Variants in CROCC observed in about 807,000 individuals in gnomAD.
CROCC encodes the protein ciliary rootlet coiled-coil, rootletin, also known as rootletin.
A neutral mutation model predicts 245.2 loss-of-function variants in CROCC; 180 were observed. The ratio of observed to expected loss-of-function variants is 0.73; its 90% CI spans 0.65 to 0.83. The LOEUF is 0.83. Among genes scored for constraint, CROCC ranks in the 40% least tolerant of loss-of-function variants. CROCC has a pLI of 0.00. For missense variants in CROCC, 2,688 were observed against 2,779.4 expected (o/e 0.97, Z 0.74); for synonymous variants, 1,205 against 1,241.6 (o/e 0.97, Z 0.62).
chr1:16,932,059 G>T (rs1173269272), intron 8 of CROCC, among the ~76,000 whole-genome samples: 1 of 152,188 alleles, frequency 6.6e-6, no homozygotes, highest in Non-Finnish European at 1.5e-5. Context: ...GAGCCACAGC[G>T]CCAGGCCGAA....
chr1:16,956,533 C>T (rs2076252865), intron 25 of CROCC, among the ~76,000 whole-genome samples: 1 of 152,146 alleles, frequency 6.6e-6, no homozygotes. Flanking sequence ...TTACGGGCCA[C>T]ACAGTCTCTG....
Position 16,958,594 on chromosome 1 carries a change from G to A in CROCC, c.3876G>A (p.Leu1292=). ...LQELRRQMKM[L]DSENTRLGRE... is the part of the protein sequence containing the mutation. ...CCGTGCTCTCACAGATGAAGATGCT[G>A]GACAGTGAGAACACCAGACTGGGCC... is the stretch of plus-strand genomic sequence containing the variant. The change falls in exon 26 of 37, where the codon CTG becomes CTA. Residue 1292 remains leucine (L), a synonymous_variant. Transcript: ENST00000375541. The A allele has an allele frequency of 6.4e-7, 1 of 1,552,836 alleles. No homozygotes were observed. Among genetic ancestry groups the A allele is most frequent in the Non-Finnish European group, 8.7e-7 (1 of 1,148,506 alleles).
At chr1:16,971,204 T>A (rs2076511477) in intron 35 of CROCC, among the ~76,000 whole-genome samples, 1 of 127,946 alleles carries the variant, frequency 7.8e-6, no homozygotes, top group Non-Finnish European at 1.6e-5. Context: ...GTGTGTATGA[T>A]GTCTGAGTGT....
intron 18 of CROCC, 61 bp from the exon 19 acceptor site, chr1:16,948,738 C>T (rs1408892165): frequency 1.9e-6 from 3 of 1,601,090 alleles, no homozygotes; most frequent in Non-Finnish European, 2.6e-6. Context: ...CCCTGAGATC[C>T]ACAGTTTCCT....
intron 15 of CROCC, 120 bp from the exon 16 acceptor site, chr1:16,946,138 TC>T: frequency 8.8e-7 from 1 of 1,133,722 alleles, no homozygotes; most frequent in Non-Finnish European, 1.2e-6. Flanking sequence ...TCACACTGTG[TC>T]CCCTCCTTGT....
chr1:16,930,831 C>T (rs1407932116), intron 7 of CROCC, among the ~76,000 whole-genome samples: 1 of 152,300 alleles, frequency 6.6e-6, no homozygotes, highest in African/African-American at 2.4e-5. Flanking sequence ...TGCTATCATT[C>T]TCCTCATTTT....
intron 13 of CROCC, chr1:16,941,202 GGCTGGGTGTGGTGGCTCACACCCAGCTT>G (rs2075924236): frequency 6.5e-6 from 1 of 154,574 alleles, no homozygotes; most frequent in Admixed American, 6.5e-5. Flanking sequence ...TGAAAATTCA[GGCTGGGTGTGGTGGCTCACACCCAGCTT>G]GCTGGCCAAC....
chr1:16,939,941 G>C lies in CROCC; in HGVS notation c.1656G>C (p.Leu552=), dbSNP rs144356400. The change falls in exon 13 of 37, where the codon CTG becomes CTC. Residue 552 remains leucine (L), a synonymous_variant. Transcript: ENST00000375541. Reference sequence around the variant, plus strand: ...CAAGCCAGGACCTACTGGGCACCCTGCGGAAGCAGCTTAGCGACAGCGAGA... The same window carrying C: ...CAAGCCAGGACCTACTGGGCACCCTCCGGAAGCAGCTTAGCGACAGCGAGA... The part of the protein sequence containing the change: ...YEASQDLLGT[L]RKQLSDSESE... 4.2e-5 allele frequency: 67 copies of C among 1,612,734 alleles called. No individual in the cohort carries two copies. In the African/African-American group the frequency reaches 8.3e-4, roughly 20 times the overall value.
At chr1:16,955,213 A>G in intron 23 of CROCC, 99 bp from the exon 24 acceptor site, 1 of 1,157,456 alleles carries the variant, frequency 8.6e-7, no homozygotes, top group Non-Finnish European at 1.3e-6. Flanking sequence ...CTGCAGAGGG[A>G]TGGGGCAGGC....
In CROCC at chr1:16,931,938, T is replaced by G. The variant is rs1164217681; in HGVS notation, c.956+541T>G. Among the ~76,000 whole-genome samples the G allele has an allele frequency of 2.6e-4, 39 of 152,256 alleles. No homozygotes were observed. The East Asian group carries it at 6.8e-3, about 26-fold the overall frequency. ...CACCCAGCTAATTTTTTTTTTTTTT[T>G]TGTATTTTAGTAGAGACGGGGTTTC... On this transcript the variant is annotated intron_variant, in intron 8 of 36. Coordinates refer to ENST00000375541, the MANE Select transcript of CROCC (RefSeq NM_014675.5).
At chr1:16,972,225 A>G in intron 36 of CROCC, 135 bp from the exon 37 acceptor site, 1 of 746,380 alleles carries the variant, frequency 1.3e-6, no homozygotes, top group Admixed American at 2.3e-5. Context: ...GAAAGGCAGG[A>G]CAGCCCCTGG....
intron 10 of CROCC, 22 bp downstream of exon 10, chr1:16,937,759 G>A (rs2075824230): frequency 6.3e-7 from 1 of 1,577,728 alleles, no homozygotes. Flanking sequence ...GTGCCCCTGA[G>A]ATGGGGCAGG....
chr1:16,929,019 G>A (rs1399412518), intron 3 of CROCC, among the ~76,000 whole-genome samples: 1 of 152,178 alleles, frequency 6.6e-6, no homozygotes, highest in Non-Finnish European at 1.5e-5. Flanking sequence ...TAGAGACGGG[G>A]TTTCATCACG....
At position 16,946,918 on chromosome 1, in the gene CROCC, C is replaced by G. The variant is rs913231753; in HGVS notation, c.2441C>G (p.Ala814Gly). ...LEGSLRVAEQ[A>G]QEALEQQLPT... Reference sequence around the variant, plus strand: ...GGCTCCCTACGAGTGGCGGAGCAGGCCCAGGAGGCATTGGAGCAGCAGCTC... The same window carrying G: ...GGCTCCCTACGAGTGGCGGAGCAGGGCCAGGAGGCATTGGAGCAGCAGCTC... Residue 814 changes from alanine to glycine, a missense_variant, in exon 17 of 37, where the codon GCC (alanine) becomes GGC (glycine). Physicochemically the swap from Ala to Gly is moderately conservative, Grantham distance 60. This residue lies in a region of CROCC where 295 missense variants were observed against 241.7 expected (regional missense o/e 1.22). Coordinates refer to ENST00000375541, the MANE Select transcript of CROCC (RefSeq NM_014675.5). 1.3e-6 allele frequency: 2 copies of G among 1,563,508 alleles called. No individual in the cohort carries two copies. Among genetic ancestry groups the G allele is most frequent in the Admixed American group, 1.9e-5 (1 of 52,248 alleles).
chr1:16,933,145 T>C (rs1273206314), intron 8 of CROCC, among the ~76,000 whole-genome samples: 2 of 152,278 alleles, frequency 1.3e-5, no homozygotes, highest in Non-Finnish European at 2.9e-5. Flanking sequence ...AAATAGCCAG[T>C]GTCTAAATTT....
chr1:16,955,371 G>T lies in CROCC; in HGVS notation c.3525G>T (p.Arg1175=). Residue 1175 remains arginine (R), a synonymous_variant, in exon 24 of 37, where the codon CGG becomes CGT. Transcript: ENST00000375541. ...AGGATGCCCGTGACGGGCTGCGGCG[G>T]GAGCTGCTGGAGGCCCAGCGCAAGC... ...LLEDARDGLR[R]ELLEAQRKLR... is the part of the protein sequence containing the mutation. 1 of 1,606,864 alleles carries T rather than the reference G, an allele frequency of 6.2e-7. No homozygotes were observed.
chr1:16,945,436 C>A (rs767930511), intron 14 of CROCC, 26 bp from the exon 15 acceptor site: 1 of 1,610,334 alleles, frequency 6.2e-7, no homozygotes, highest in African/African-American at 1.3e-5. Context: ...GTGACATGGG[C>A]CACCCACCCA....
At chr1:16,943,868 A>AC (rs2075987359) in intron 13 of CROCC, among the ~76,000 whole-genome samples, 1 of 152,248 alleles carries the variant, frequency 6.6e-6, no homozygotes, top group African/African-American at 2.4e-5. Flanking sequence ...TCACACCAGC[A>AC]CCTCCATCCA....
At chr1:16,922,197 G>T in intron 1 of CROCC, 119 bp downstream of exon 1, 3 of 1,065,898 alleles carry the variant, frequency 2.8e-6, no homozygotes, top group Non-Finnish European at 4.0e-6. Flanking sequence ...GTGGTGGTGG[G>T]GTATACAGGG....
Sources: gnomAD v4.1 joint callset for allele counts (sites outside exome capture counted in the v4.1 genomes callset) on GRCh38, gnomAD v4.1.1 for gene constraint, gnomAD v4.1.1 regional missense constraint, MANE v1.5 for transcripts, NCBI Gene and HGNC (gene_info 2026-07-23, HGNC 2026-07-21) for gene names.